KIF12: variants seen among roughly 807,000 people sequenced by gnomAD.
KIF12 encodes kinesin-like protein KIF12.
A neutral mutation model predicts 87.9 loss-of-function variants in KIF12; 80 were observed. The ratio of observed to expected loss-of-function variants is 0.91; its 90% confidence interval spans 0.76 to 1.10. The LOEUF (loss-of-function observed/expected upper bound fraction) is 1.10. KIF12 is among the 50% of genes least tolerant of loss of function. The pLI, the probability that KIF12 is intolerant of heterozygous loss-of-function variation, is 0.00. For missense variants in KIF12, 819 were observed against 865.3 expected (o/e 0.95, Z 0.67); for synonymous variants, 353 against 348.5 (o/e 1.01, Z -0.14).
chr9:114,097,169 C>T (rs1245603560), intron 7 of KIF12, 132 bp downstream of exon 7: 3 of 1,215,610 alleles, frequency 2.5e-6, no homozygotes, highest in Admixed American at 6.4e-5. Flanking sequence ...TTGTGGTTTA[C>T]TGGTCCTTCC....
intron 16 of KIF12, among the ~76,000 whole-genome samples, 173 bp downstream of exon 16, chr9:114,093,056 G>C (rs528478170): frequency 6.6e-6 from 1 of 152,136 alleles, no homozygotes; most frequent in Non-Finnish European, 1.5e-5. Flanking sequence ...GGAGGGGGGA[G>C]GGTGAGGCAA....
Position 114,093,919 on chromosome 9 carries a change from C to T in KIF12, c.1367G>A (p.Arg456His), listed in dbSNP as rs111281842. The T allele has an allele frequency of 5.5e-5, 88 of 1,614,078 alleles. No homozygotes were observed. The highest frequency in any genetic ancestry group is 1.3e-4 in the Admixed American group (8 of 60,020). The part of the protein sequence containing the change: ...NSRDLAQNEQ[R>H]ILAQQVHALE... ...TGCATGGACCTGCTGGGCCAGGATG[C>T]GCTGCTCATTCTGGGCCAGGTCTCG... The change falls in exon 14 of 19, where the codon CGC becomes CAC. Residue 456 changes from arginine (R) to histidine (H), a missense_variant. Arg to His is a conservative substitution (Grantham distance 29). Transcript: ENST00000640217.
chr9:114,098,088 G>A, intron 5 of KIF12, 27 bp downstream of exon 5: 7 of 1,541,484 alleles, frequency 4.5e-6, no homozygotes, highest in Non-Finnish European at 6.1e-6. Flanking sequence ...GCCCCGCCCC[G>A]CGGGGGCGCC....
In KIF12 at chr9:114,097,390, C is replaced by A. The variant is rs1481732845; in HGVS notation, c.557G>T (p.Arg186Leu). 1.2e-6 allele frequency: 2 copies of A among 1,607,084 alleles called. No individual in the cohort carries two copies. The highest frequency in any genetic ancestry group is 2.7e-5 in the African/African-American group (2 of 74,402). Residue 186 changes from arginine (R) to leucine (L), a missense_variant, in exon 7 of 19, where the codon CGC (arginine) becomes CTC (leucine). Arg to Leu is a moderately radical substitution (Grantham distance 102, BLOSUM62 -2). Transcript: ENST00000640217. ...ATAGAAGCCCCGAGTCTTGTTCCAG[C>A]GAACAGGGAGGGGCCGGGGAGACCC... ...SLGSPRPLPV[R>L]WNKTRGFYVE...
chr9:114,097,363 A>G lies in KIF12; in HGVS notation c.584T>C (p.Val195Ala). ...VRWNKTRGFY[V>A]EQLRVVEFGS... ...AAATTCCACCACCCGCAGCTGCTCC[A>G]CATAGAAGCCCCGAGTCTTGTTCCA... is the stretch of plus-strand genomic sequence containing the variant. The change falls in exon 7 of 19, where the codon GTG becomes GCG. Residue 195 changes from valine (V) to alanine (A), a missense_variant. Physicochemically the swap from Val to Ala is moderately conservative, Grantham distance 64. Transcript: ENST00000640217. 1 of 1,610,282 alleles carries G rather than the reference A, an allele frequency of 6.2e-7. No homozygotes were observed. Among genetic ancestry groups the G allele is most frequent in the Non-Finnish European group, 8.5e-7 (1 of 1,179,144 alleles).
In KIF12 at chr9:114,099,032, G is replaced by A; in HGVS notation, c.93-19C>T. The A allele has an allele frequency of 6.5e-7, 1 of 1,550,338 alleles. No homozygotes were observed. The highest frequency in any genetic ancestry group is 8.7e-7 in the Non-Finnish European group (1 of 1,146,866). On this transcript the variant is annotated intron_variant, in intron 2 of 18. Coordinates refer to ENST00000640217, the MANE Select transcript of KIF12 (RefSeq NM_001388308.1). ...ACGTACCCTGGGGTCCGACAGAAGGGCAGATGGTACATCCTGATGTCTTCC... is the reference window on the plus strand; with the variant it reads ...ACGTACCCTGGGGTCCGACAGAAGGACAGATGGTACATCCTGATGTCTTCC...
chr9:114,097,387 C>A lies in KIF12; in HGVS notation c.560G>T (p.Trp187Leu), dbSNP rs953795906. 4.4e-6 allele frequency: 7 copies of A among 1,607,474 alleles called. No homozygotes were observed. Among genetic ancestry groups the A allele is most frequent in the Non-Finnish European group, 5.9e-6 (7 of 1,178,364 alleles). Residue 187 changes from tryptophan (W) to leucine (L), a missense_variant, in exon 7 of 19, where the codon TGG becomes TTG. Physicochemically the swap from Trp to Leu is moderately conservative, Grantham distance 61. Coordinates refer to ENST00000640217, the MANE Select transcript of KIF12 (RefSeq NM_001388308.1). ...CACATAGAAGCCCCGAGTCTTGTTC[C>A]AGCGAACAGGGAGGGGCCGGGGAGA... is the stretch of plus-strand genomic sequence containing the variant. ...LGSPRPLPVR[W>L]NKTRGFYVEQ...
In KIF12 at chr9:114,096,132, T is replaced by C. The variant is rs1469562006; in HGVS notation, c.814A>G (p.Ser272Gly). ...GATCCCGTGGCTGCTACCTTCTCAC[T>C]GCCTGCCAGGTCCACAAAGCACAGC... Reference protein sequence around the residue: ...GKLCFVDLAGSEKVAATGSRG... With the variant: ...GKLCFVDLAGGEKVAATGSRG... The change falls in exon 9 of 19, where the codon AGT (serine) becomes GGT (glycine). Residue 272 changes from serine (S) to glycine (G), a missense_variant. Transcript: ENST00000640217. 2 of 1,613,834 alleles carry C rather than the reference T, an allele frequency of 1.2e-6. No individual in the cohort carries two copies. Among genetic ancestry groups the C allele is most frequent in the Admixed American group, 3.3e-5 (2 of 60,012 alleles).
rs114062338 is a variant in KIF12 at position 114,098,093 on chromosome 9, G to A, written c.375+22C>T. On this transcript the variant is annotated intron_variant, in intron 5 of 18. Coordinates refer to ENST00000640217, the MANE Select transcript of KIF12 (RefSeq NM_001388308.1). The stretch of plus-strand genomic sequence containing the variant: ...AGCCCACCCAGCCCCGCCCCGCGGG[G>A]GCGCCGCCGGCGCTCGCTCACCTGG... The A allele has an allele frequency of 5.3e-3, 8,161 of 1,542,474 alleles. 303 individuals carry two copies. The African/African-American group carries it at 0.09, about 17-fold the overall frequency.
At chr9:114,094,087 G>C in intron 13 of KIF12, 94 bp downstream of exon 13, 1 of 1,456,498 alleles carries the variant, frequency 6.9e-7, no homozygotes, top group Non-Finnish European at 9.6e-7. Context: ...GGACATAAGG[G>C]AGCCAGGGGC....
In KIF12 at chr9:114,097,716, C is replaced by A. The variant is rs1418478300; in HGVS notation, c.401G>T (p.Ser134Ile). 8 of 1,613,938 alleles carry A rather than the reference C, an allele frequency of 5.0e-6. No individual in the cohort carries two copies. Among genetic ancestry groups the A allele is most frequent in the Non-Finnish European group, 6.8e-6 (8 of 1,180,006 alleles). Residue 134 changes from serine to isoleucine, a missense_variant, in exon 6 of 19, where the codon AGC (serine) becomes ATC (isoleucine). Ser to Ile is a moderately radical substitution (Grantham distance 142). Coordinates refer to ENST00000640217, the MANE Select transcript of KIF12 (RefSeq NM_001388308.1). The part of the protein sequence containing the change: ...PQGEGVPVPP[S>I]LAGIMQRTFA... ...GGTCCTCTGCATGATGCCAGCCAGGCTGGGGGGTACAGGCACCCCCTCCCC... is the reference window on the plus strand; with the variant it reads ...GGTCCTCTGCATGATGCCAGCCAGGATGGGGGGTACAGGCACCCCCTCCCC...
rs1389468247 is a variant in KIF12, at chr9:114,098,927, T to A, written c.171+8A>T. On this transcript the variant is annotated splice_region_variant and intron_variant, in intron 3 of 18. Transcript: ENST00000640217. ...TTTATTGGGGAGATAGAGAGAGGGG[T>A]TCCTCACCTGCAGAGTCCGGGTCCC... 3 of 1,545,734 alleles carry A rather than the reference T, an allele frequency of 1.9e-6. No homozygotes were observed. The African/African-American group carries it at 4.1e-5, about 21-fold the overall frequency.
In KIF12 at chr9:114,097,398, G is replaced by A; in HGVS notation, c.549C>T (p.Leu183=). ...DLLSLGSPRP[L]PVRWNKTRGF... ...CCCGAGTCTTGTTCCAGCGAACAGG[G>A]AGGGGCCGGGGAGACCCCAGGCTCA... The change falls in exon 7 of 19, where the codon CTC becomes CTT. Residue 183 remains leucine (L), a synonymous_variant. Transcript: ENST00000640217. The A allele has an allele frequency of 6.2e-7, 1 of 1,606,320 alleles. No homozygotes were observed. Among genetic ancestry groups the A allele is most frequent in the South Asian group, 1.1e-5 (1 of 89,648 alleles).
At chr9:114,097,528 T>C (rs1588507396) in intron 6 of KIF12, 79 bp downstream of exon 6, 5 of 1,594,536 alleles carry the variant, frequency 3.1e-6, no homozygotes, top group Non-Finnish European at 4.3e-6. Context: ...CCGCCTCTTC[T>C]GTCCTTTGAT....
rs181056885 is a variant in KIF12 at position 114,091,666 on chromosome 9, T to C, written c.*195A>G. 3.8e-6 allele frequency: 2 copies of C among 528,796 alleles called. No individual in the cohort carries two copies. Among genetic ancestry groups the C allele is most frequent in the East Asian group, 3.1e-5 (1 of 31,894 alleles). 32.8% of individuals were successfully genotyped at this position (528,796 alleles called of 1,614,324 possible). A position where few individuals can be genotyped will look rare whatever the true frequency, so the allele number is the denominator to read the frequency against. On this transcript the variant is annotated 3_prime_UTR_variant, in exon 19 of 19. Coordinates refer to ENST00000640217, the MANE Select transcript of KIF12 (RefSeq NM_001388308.1). ...GAGCTGATGCCTCTCTTTATTCATGTATTTCATCCCCTGCTGCCTGGTTTC... is the reference window on the plus strand; with the variant it reads ...GAGCTGATGCCTCTCTTTATTCATGCATTTCATCCCCTGCTGCCTGGTTTC...
chr9:114,099,065 T>C (rs2134919409), intron 2 of KIF12, 39 bp downstream of exon 2: 1 of 1,550,470 alleles, frequency 6.4e-7, no homozygotes, highest in Admixed American at 2.0e-5. Flanking sequence ...TCCTCGATCC[T>C]TGTCTCGCCC....
chr9:114,094,187 C>T lies in KIF12; in HGVS notation c.1307G>A (p.Arg436Lys). Residue 436 changes from arginine (R) to lysine (K), a missense_variant, in exon 13 of 19, where the codon AGG becomes AAG. Transcript: ENST00000640217. ...GCTGTGGGCTGTGCCCTACCTGAGC[C>T]TCTCATTCTCTAGCATGAACTCCTG... Reference protein sequence around the residue: ...MLQEFMLENERLRKEKSQLQN... With the variant: ...MLQEFMLENEKLRKEKSQLQN... The T allele has an allele frequency of 1.9e-6, 3 of 1,613,468 alleles. No individual in the cohort carries two copies. The South Asian group carries it at 3.3e-5, about 18-fold the overall frequency.
chr9:114,093,319 GA>G lies in KIF12; in HGVS notation c.1505del (p.Leu502ProfsTer80). The G allele has an allele frequency of 6.4e-7, 1 of 1,559,296 alleles. No individual in the cohort carries two copies. Among genetic ancestry groups the G allele is most frequent in the Non-Finnish European group, 8.7e-7 (1 of 1,151,024 alleles). Reference protein sequence around the residue: ...PAPPCHALPPLYSCPCCHICP... With the variant: ...PAPPCHALPPXYSCPCCHICP... ...AGATGTGGCAGCAGGGGCAGGAGTA[GA>G]GGGGTGGCAGTGCCTGCAAAAAGGT... On this transcript the variant is annotated frameshift_variant, in exon 16 of 19. Coordinates refer to ENST00000640217, the MANE Select transcript of KIF12 (RefSeq NM_001388308.1). LOFTEE classifies it high-confidence loss of function.
chr9:114,092,020 G>C lies in KIF12; in HGVS notation c.1817-20C>G, dbSNP rs781557965. ...CCCCACCTAAGGAGCAGTGAGACTC[G>C]AGGCCTGCCCTCTCCAGGGCCCTTC... On this transcript the variant is annotated intron_variant, in intron 18 of 18. Transcript: ENST00000640217. 6.2e-7 allele frequency: 1 copy of C among 1,603,858 alleles called. No individual in the cohort carries two copies. The highest frequency in any genetic ancestry group is 1.3e-5 in the African/African-American group (1 of 74,644).
Sources: gnomAD v4.1 joint callset for allele counts (sites outside exome capture counted in the v4.1 genomes callset) on GRCh38, gnomAD v4.1.1 for gene constraint, MANE v1.5 for transcripts, NCBI Gene and HGNC (gene_info 2026-07-23, HGNC 2026-07-21) for gene names.